APPBP2: variants seen among roughly 807,000 people sequenced by gnomAD.
The protein encoded by APPBP2 is amyloid protein-binding protein 2.
Under a neutral mutation model 76.0 loss-of-function variants are expected in APPBP2, and 15 were observed. That is an observed-to-expected ratio of 0.20 (90% CI 0.13 to 0.30). The LOEUF (loss-of-function observed/expected upper bound fraction) is 0.30, where lower values mean the gene tolerates loss of function less well. APPBP2 is among the 10% of genes least tolerant of loss of function. The probability of loss-of-function intolerance (pLI) is 1.00; values close to 1 mark genes in which losing one functional copy is unlikely to be tolerated. For synonymous variants in APPBP2, 222 were observed against 242.2 expected (o/e 0.92, Z 0.77); for missense variants, 401 against 687.2 (o/e 0.58, Z 4.66).
chr17:60,455,912 G>C (rs2090427569), intron 10 of APPBP2, among the ~76,000 whole-genome samples: 1 of 152,050 alleles, frequency 6.6e-6, no homozygotes, highest in Admixed American at 6.5e-5. Context: ...CAAGTAGCTG[G>C]GATTACAGGT....
intron 1 of APPBP2, among the ~76,000 whole-genome samples, chr17:60,507,635 T>G (rs2090879121): frequency 6.6e-6 from 1 of 152,244 alleles, no homozygotes; most frequent in Admixed American, 6.5e-5. Flanking sequence ...CTCTGGAGTT[T>G]ATAATTAGGG....
At chr17:60,490,212 T>C (rs1304317539) in intron 3 of APPBP2, among the ~76,000 whole-genome samples, 1 of 152,040 alleles carries the variant, frequency 6.6e-6, no homozygotes, top group Admixed American at 6.6e-5. Context: ...GAAAACTAAG[T>C]AAGGCCAGTA....
chr17:60,495,578 C>T (rs1445799697), intron 2 of APPBP2, among the ~76,000 whole-genome samples: 5 of 151,754 alleles, frequency 3.3e-5, no homozygotes, highest in Non-Finnish European at 7.4e-5. Context: ...AATTAAGATC[C>T]TCCTGCTTCA....
intron 3 of APPBP2, among the ~76,000 whole-genome samples, chr17:60,480,752 G>C (rs1382016738): frequency 6.6e-6 from 1 of 152,108 alleles, no homozygotes; most frequent in Non-Finnish European, 1.5e-5. Context: ...GAGTCTGTTT[G>C]AGGATGCTGA....
At chr17:60,511,577 C>G (rs1183191803) in intron 1 of APPBP2, among the ~76,000 whole-genome samples, 4 of 145,902 alleles carry the variant, frequency 2.7e-5, no homozygotes, top group Non-Finnish European at 4.4e-5. Context: ...GAGCAAGACT[C>G]CATTGAAAAA....
At chr17:60,521,743 A>G (rs1306354745) in intron 1 of APPBP2, among the ~76,000 whole-genome samples, 2 of 152,190 alleles carry the variant, frequency 1.3e-5, no homozygotes, top group African/African-American at 4.8e-5. Context: ...ATGAGACCCA[A>G]CAGAAATTCG....
intron 10 of APPBP2, among the ~76,000 whole-genome samples, chr17:60,455,722 T>C (rs2090426119): frequency 6.6e-6 from 1 of 152,150 alleles, no homozygotes; most frequent in Admixed American, 6.5e-5. Flanking sequence ...TCAAAAAAAT[T>C]AATGCATGCA....
chr17:60,515,705 A>AG (rs2090957649), intron 1 of APPBP2, among the ~76,000 whole-genome samples: 1 of 152,230 alleles, frequency 6.6e-6, no homozygotes, highest in Non-Finnish European at 1.5e-5. Flanking sequence ...AGGTGCCCTG[A>AG]GGCCCTGCTA....
At chr17:60,467,199 T>C (rs2090517710) in intron 4 of APPBP2, among the ~76,000 whole-genome samples, 1 of 152,138 alleles carries the variant, frequency 6.6e-6, no homozygotes, top group Non-Finnish European at 1.5e-5. Flanking sequence ...ATTATGTTCA[T>C]GTATCAAGCC....
At chr17:60,519,561 G>A (rs1048512201) in intron 1 of APPBP2, among the ~76,000 whole-genome samples, 1 of 151,890 alleles carries the variant, frequency 6.6e-6, no homozygotes, top group Non-Finnish European at 1.5e-5. Context: ...TACTCGGGAC[G>A]ATGAGGCAGG....
intron 1 of APPBP2, among the ~76,000 whole-genome samples, chr17:60,512,426 A>G (rs867444525): frequency 6.6e-6 from 1 of 152,108 alleles, no homozygotes; most frequent in Non-Finnish European, 1.5e-5. Context: ...AGAAAAATTG[A>G]ATTTTTAATT....
intron 1 of APPBP2, among the ~76,000 whole-genome samples, chr17:60,506,904 C>T (rs564873138): frequency 6.6e-6 from 1 of 152,190 alleles, no homozygotes; most frequent in South Asian, 2.1e-4. Flanking sequence ...GGCGTGGTGG[C>T]GGGTGCCTGT....
chr17:60,498,006 G>A (rs1211394647), intron 2 of APPBP2, among the ~76,000 whole-genome samples: 1 of 151,970 alleles, frequency 6.6e-6, no homozygotes, highest in Non-Finnish European at 1.5e-5. Context: ...CAGGCGTGGT[G>A]GGGCATGCCT....
At chr17:60,466,583 T>C (rs752493420) in intron 4 of APPBP2, 124 bp from the exon 5 acceptor site, 1 of 982,514 alleles carries the variant, frequency 1.0e-6, no homozygotes, top group Non-Finnish European at 1.5e-6. Flanking sequence ...GCATTGAAAA[T>C]AAGTGTGTGG....
At chr17:60,451,777 C>T (rs1373582430) in intron 12 of APPBP2, 103 bp downstream of exon 12, 2 of 1,054,508 alleles carry the variant, frequency 1.9e-6, no homozygotes, top group Admixed American at 2.8e-5. Context: ...CCGCACCCAG[C>T]CCCATTTAAG....
At position 60,446,314 on chromosome 17, in the gene APPBP2, T is replaced by C. The variant is rs1018691890; in HGVS notation, c.*1267A>G. On this transcript the variant is annotated 3_prime_UTR_variant, in exon 13 of 13. Coordinates refer to ENST00000083182, the MANE Select transcript of APPBP2 (RefSeq NM_006380.5). Reference sequence around the variant, plus strand: ...ATTATTACCTCATCATTAAATAACCTGACTGGCTTACAAAAAATCAAATCA... The same window carrying C: ...ATTATTACCTCATCATTAAATAACCCGACTGGCTTACAAAAAATCAAATCA... 5 of 152,608 alleles carry C rather than the reference T, an allele frequency of 3.3e-5. No individual in the cohort carries two copies. Among genetic ancestry groups the C allele is most frequent in the Non-Finnish European group, 7.3e-5 (5 of 68,034 alleles). 9.5% of individuals were successfully genotyped at this position (152,608 alleles called of 1,614,324 possible). A position where few individuals can be genotyped will look rare whatever the true frequency, so the allele number is the denominator to read the frequency against.
chr17:60,510,811 T>G (rs375256803), intron 1 of APPBP2, among the ~76,000 whole-genome samples: 3 of 152,206 alleles, frequency 2.0e-5, no homozygotes, highest in East Asian at 3.9e-4. Flanking sequence ...ACATTTAATG[T>G]CCTTTATCTG....
At chr17:60,462,122 G>A in intron 6 of APPBP2, 61 bp from the exon 7 acceptor site, 2 of 1,274,216 alleles carry the variant, frequency 1.6e-6, no homozygotes, top group Non-Finnish European at 2.3e-6. Flanking sequence ...TAAAATACGT[G>A]TAGTTTATAT....
At position 60,513,481 on chromosome 17, in the gene APPBP2, T is replaced by C. The variant is rs558848034; in HGVS notation, c.138+12313A>G. 3.8e-4 allele frequency: 216 copies of C among 572,736 alleles called. 1 individual carries two copies. In the South Asian group the frequency reaches 4.0e-3, roughly 11 times the overall value. The allele number at this position is 572,736 out of a possible 1,614,324, so 35.5% of individuals were successfully genotyped here. On this transcript the variant is annotated intron_variant, in intron 1 of 12. Transcript: ENST00000083182. Reference sequence around the variant, plus strand: ...AATGCCAACAGGGCATTTCAGAAGATGGACACGAAGAAGGAGGAACAGCTG... The same window carrying C: ...AATGCCAACAGGGCATTTCAGAAGACGGACACGAAGAAGGAGGAACAGCTG...
Sources: gnomAD v4.1 joint callset for allele counts (sites outside exome capture counted in the v4.1 genomes callset) on GRCh38, gnomAD v4.1.1 for gene constraint, MANE v1.5 for transcripts, NCBI Gene and HGNC (gene_info 2026-07-23, HGNC 2026-07-21) for gene names.